Variants in ZNF12 observed in about 807,000 individuals in gnomAD.
ZNF12 encodes the protein gonadotropin inducible transcription repressor 3.
Under a neutral mutation model 66.6 loss-of-function variants are expected in ZNF12, and 34 were observed. The ratio of observed to expected loss-of-function variants is 0.51; its 90% CI spans 0.39 to 0.68. ZNF12 has a LOEUF of 0.68. Among genes scored for constraint, ZNF12 ranks in the 30% least tolerant of loss-of-function variants. The pLI is 0.00. For missense variants in ZNF12, 697 were observed against 826.9 expected, an observed-to-expected ratio of 0.84 and a Z score of 1.93; for synonymous variants, 320 against 278.9, an observed-to-expected ratio of 1.15 and a Z score of -1.47.
intron 2 of ZNF12, among the ~76,000 whole-genome samples, chr7:6,699,308 A>G (rs1178747764): frequency 6.6e-6 from 1 of 152,198 alleles, no homozygotes; most frequent in African/African-American, 2.4e-5. Context: ...GGAATGATCC[A>G]TGAGTGCAAG....
Position 6,697,953 on chromosome 7 carries a change from A to T in ZNF12, c.16-142T>A, listed in dbSNP as rs764732262. The stretch of plus-strand genomic sequence containing the variant: ...CAGACTGTCAAAGGGAAACAAACAT[A>T]TCAGAAATACACTGTTCTGGGGTTC... On this transcript the variant is annotated intron_variant, in intron 2 of 4. Transcript: ENST00000405858. The surrounding 1 kb of genome is among the most constrained non-coding windows in gnomAD (Gnocchi z 6.1). The T allele has an allele frequency of 2.3e-5, 24 of 1,024,910 alleles. 1 individual carries two copies. 63.5% of individuals were successfully genotyped at this position (1,024,910 alleles called of 1,614,324 possible).
At chr7:6,700,304 T>TACACACACACACACACACACACAC (rs71539972) in intron 2 of ZNF12, among the ~76,000 whole-genome samples, 6 of 129,056 alleles carry the variant, frequency 4.6e-5, no homozygotes, top group Non-Finnish European at 8.0e-5. Context: ...AAAAAAAATA[T>TACACACACACACACACACACACAC]ACACACACAC....
At chr7:6,693,023 G>A (rs1436687765) in intron 4 of ZNF12, among the ~76,000 whole-genome samples, 1 of 152,140 alleles carries the variant, frequency 6.6e-6, no homozygotes, top group Non-Finnish European at 1.5e-5. Flanking sequence ...ACAGAACAAT[G>A]ACTGGTAGGC....
intron 2 of ZNF12, among the ~76,000 whole-genome samples, chr7:6,701,215 C>G (rs1780238335): frequency 6.6e-6 from 1 of 152,174 alleles, no homozygotes; most frequent in Admixed American, 6.5e-5. Context: ...CAGAACGACT[C>G]CCATGATCTC....
At chr7:6,700,056 T>C (rs1379959304) in intron 2 of ZNF12, among the ~76,000 whole-genome samples, 5 of 150,788 alleles carry the variant, frequency 3.3e-5, no homozygotes, top group African/African-American at 9.8e-5. Flanking sequence ...GAGGCCGAGG[T>C]GGGCAGATCA....
rs368981638 is a variant in ZNF12 at position 6,692,430 on chromosome 7, C to T, written c.512G>A (p.Cys171Tyr). 3 of 1,613,210 alleles carry T rather than the reference C, an allele frequency of 1.9e-6. No homozygotes were observed. Among genetic ancestry groups the T allele is most frequent in the Admixed American group, 3.3e-5 (2 of 59,960 alleles). ...ARMKADECSG[C>Y]GKSLLHIKLE... ...CTTAATATGGAGGAGTGATTTCCCA[C>T]ATCCACTACATTCATCAGCTTTCAT... Residue 171 changes from cysteine (C) to tyrosine (Y), a missense_variant, in exon 5 of 5, where the codon TGT (cysteine) becomes TAT (tyrosine). Coordinates refer to ENST00000405858, the MANE Select transcript of ZNF12 (RefSeq NM_016265.4). The surrounding 1 kb of genome is among the most constrained non-coding windows in gnomAD (Gnocchi z 5.1).
intron 2 of ZNF12, among the ~76,000 whole-genome samples, chr7:6,700,334 CACATAT>C (rs1459177392): frequency 2.2e-5 from 3 of 136,898 alleles, no homozygotes; most frequent in African/African-American, 6.0e-5. Context: ...CACACACACA[CACATAT>C]ATATACATAT....
At position 6,706,915 on chromosome 7, in the gene ZNF12, G is replaced by A. The variant is rs559102575; in HGVS notation, c.-534C>T. 7.2e-6 allele frequency: 3 copies of A among 414,058 alleles called. No homozygotes were observed. The highest frequency in any genetic ancestry group is 4.9e-5 in the South Asian group (3 of 61,694). 25.6% of individuals were successfully genotyped at this position (414,058 alleles called of 1,614,324 possible). On this transcript the variant is annotated 5_prime_UTR_variant, in exon 1 of 5. Transcript: ENST00000405858. ...CAAAGCCTGGGAACTAGGGCGAGCG[G>A]TGACCTGGGGACGCACAGGAAGCGA... is the stretch of plus-strand genomic sequence containing the variant.
At position 6,697,540 on chromosome 7, in the gene ZNF12, C is replaced by T. The variant is rs1780172216; in HGVS notation, c.143-106G>A. 3 of 1,522,524 alleles carry T rather than the reference C, an allele frequency of 2.0e-6. No individual in the cohort carries two copies. The highest frequency in any genetic ancestry group is 2.7e-6 in the Non-Finnish European group (3 of 1,113,062). 94.3% of individuals were successfully genotyped at this position (1,522,524 alleles called of 1,614,324 possible). A position where few individuals can be genotyped will look rare whatever the true frequency, so the allele number is the denominator to read the frequency against. On this transcript the variant is annotated intron_variant, in intron 3 of 4. Coordinates refer to ENST00000405858, the MANE Select transcript of ZNF12 (RefSeq NM_016265.4). The surrounding 1 kb of genome is among the most constrained non-coding windows in gnomAD (Gnocchi z 6.1). ...GTGTCTTATCAAAATCAGAACTTTTCACGGGGGAGATCAAGACCAAAATGC... is the reference window on the plus strand; with the variant it reads ...GTGTCTTATCAAAATCAGAACTTTTTACGGGGGAGATCAAGACCAAAATGC...
rs1158459331 is a variant in ZNF12 at position 6,706,910 on chromosome 7, G to T, written c.-529C>A. On this transcript the variant is annotated 5_prime_UTR_variant, in exon 1 of 5. Transcript: ENST00000405858. ...GAGGCCAAAGCCTGGGAACTAGGGCGAGCGGTGACCTGGGGACGCACAGGA... is the reference window on the plus strand; with the variant it reads ...GAGGCCAAAGCCTGGGAACTAGGGCTAGCGGTGACCTGGGGACGCACAGGA... 2.7e-5 allele frequency: 11 copies of T among 413,752 alleles called. No individual in the cohort carries two copies. The Admixed American group carries it at 2.7e-4, about 10-fold the overall frequency. The allele number at this position is 413,752 out of a possible 1,614,324, so 25.6% of individuals were successfully genotyped here.
rs1192316020 is a variant in ZNF12 at position 6,705,629 on chromosome 7, G to T, written c.-50-406C>A. On this transcript the variant is annotated intron_variant, in intron 1 of 4. Coordinates refer to ENST00000405858, the MANE Select transcript of ZNF12 (RefSeq NM_016265.4). The surrounding 1 kb of genome is among the most constrained non-coding windows in gnomAD (Gnocchi z 4.0). ...AGCTACTCGGGAGGCTGAGGCAGGA[G>T]AATCGCTTGAACCCGGGAGGCGGAG... is the stretch of plus-strand genomic sequence containing the variant. Among the ~76,000 whole-genome samples the T allele has an allele frequency of 6.6e-6, 1 of 152,078 alleles. No individual in the cohort carries two copies. The highest frequency in any genetic ancestry group is 1.5e-5 in the Non-Finnish European group (1 of 68,010).
Position 6,691,668 on chromosome 7 carries a change from G to T in ZNF12, c.1274C>A (p.Thr425Lys). 6.2e-7 allele frequency: 1 copy of T among 1,613,196 alleles called. No individual in the cohort carries two copies. Residue 425 changes from threonine to lysine, a missense_variant, in exon 5 of 5, where the codon ACG becomes AAG. Physicochemically the swap from Thr to Lys is moderately conservative, Grantham distance 78. Coordinates refer to ENST00000405858, the MANE Select transcript of ZNF12 (RefSeq NM_016265.4). ...GKCFCRKSTLTTHLRTHTGEK... is the reference protein window; with the variant it reads ...GKCFCRKSTLKTHLRTHTGEK... ...TCCTGTGTGGGTCCTCAGGTGGGTC[G>T]TGAGAGTAGACTTGCGGCAGAAGCA... is the stretch of plus-strand genomic sequence containing the variant.
At chr7:6,702,398 A>ACACACACACCCCG (rs1554294938) in intron 2 of ZNF12, among the ~76,000 whole-genome samples, 2 of 3,370 alleles carry the variant, frequency 5.9e-4, no homozygotes, top group Non-Finnish European at 1.2e-3. Flanking sequence ...ACACACACAC[A>ACACACACACCCCG]ACCAGATTCG....
Position 6,698,120 on chromosome 7 carries a change from C to T in ZNF12, c.16-309G>A, listed in dbSNP as rs1274689168. ...CCCCTGAGGAGCACAGGCCTGGGGACACTCACAGAACCCCAGGATGCACTC... is the reference window on the plus strand; with the variant it reads ...CCCCTGAGGAGCACAGGCCTGGGGATACTCACAGAACCCCAGGATGCACTC... On this transcript the variant is annotated intron_variant, in intron 2 of 4. Transcript: ENST00000405858. The surrounding 1 kb of genome is among the most constrained non-coding windows in gnomAD (Gnocchi z 4.4). 1.8e-6 allele frequency: 1 copy of T among 555,350 alleles called. No individual in the cohort carries two copies. Among genetic ancestry groups the T allele is most frequent in the Non-Finnish European group, 3.4e-6 (1 of 292,898 alleles). The allele number at this position is 555,350 out of a possible 1,614,324, so 34.4% of individuals were successfully genotyped here. A position where few individuals can be genotyped will look rare whatever the true frequency, so the allele number is the denominator to read the frequency against.
At position 6,705,717 on chromosome 7, in the gene ZNF12, C is replaced by CAAAAAA. The variant is rs71978935; in HGVS notation, c.-50-495_-50-494insTTTTTT. On this transcript the variant is annotated intron_variant, in intron 1 of 4. Coordinates refer to ENST00000405858, the MANE Select transcript of ZNF12 (RefSeq NM_016265.4). The surrounding 1 kb of genome is among the most constrained non-coding windows in gnomAD (Gnocchi z 4.0). ...CTGGGCAACAAAGCGAAACTTGTCT[C>CAAAAAA]AAAAACAAACAAACAAACAAACAAA... is the stretch of plus-strand genomic sequence containing the variant. Among the ~76,000 whole-genome samples the CAAAAAA allele has an allele frequency of 2.7e-4, 40 of 148,616 alleles. No individual in the cohort carries two copies. Among genetic ancestry groups the CAAAAAA allele is most frequent in the African/African-American group, 7.7e-4 (31 of 40,192 alleles).
At position 6,689,166 on chromosome 7, in the gene ZNF12, C is replaced by T. The variant is rs1435409797; in HGVS notation, c.*1682G>A. 2 of 152,210 alleles carry T rather than the reference C, an allele frequency of 1.3e-5. No individual in the cohort carries two copies. Among genetic ancestry groups the T allele is most frequent in the East Asian group, 3.8e-4 (2 of 5,200 alleles). 9.4% of individuals were successfully genotyped at this position (152,210 alleles called of 1,614,324 possible). A position where few individuals can be genotyped will look rare whatever the true frequency, so the allele number is the denominator to read the frequency against. ...CAACTGGCTTAAAAATAAGTTTAGT[C>T]TCTCACAAAAGAAACAGTCCAAAGG... On this transcript the variant is annotated 3_prime_UTR_variant, in exon 5 of 5. Coordinates refer to ENST00000405858, the MANE Select transcript of ZNF12 (RefSeq NM_016265.4).
At position 6,690,528 on chromosome 7, in the gene ZNF12, C is replaced by T. The variant is rs76039396; in HGVS notation, c.*320G>A. The T allele has an allele frequency of 1.7e-3, 355 of 207,198 alleles. 4 individuals carry two copies. In the East Asian group the frequency reaches 0.035, roughly 21 times the overall value. 12.8% of individuals were successfully genotyped at this position (207,198 alleles called of 1,614,324 possible). On this transcript the variant is annotated 3_prime_UTR_variant, in exon 5 of 5. Coordinates refer to ENST00000405858, the MANE Select transcript of ZNF12 (RefSeq NM_016265.4). ...AACAGTTTCCAAAGGATTATGTCTT[C>T]CACATTCCTTATACTGATAGATTTC...
In ZNF12 at chr7:6,705,329, T is replaced by G. The variant is rs1237773274; in HGVS notation, c.-50-106A>C. 5 of 750,818 alleles carry G rather than the reference T, an allele frequency of 6.7e-6. No homozygotes were observed. The East Asian group carries it at 1.4e-4, about 21-fold the overall frequency. 46.5% of individuals were successfully genotyped at this position (750,818 alleles called of 1,614,324 possible). A position where few individuals can be genotyped will look rare whatever the true frequency, so the allele number is the denominator to read the frequency against. ...AGAAAGTTCCAAGAAGTACATCTTG[T>G]GGGAGACTGTCCCTTTAAGCCTTCA... On this transcript the variant is annotated intron_variant, in intron 1 of 4. Coordinates refer to ENST00000405858, the MANE Select transcript of ZNF12 (RefSeq NM_016265.4). This position sits in a 1 kb window ranked among gnomAD's most constrained non-coding sequence, Gnocchi z 4.0.
rs1214057529 is a variant in ZNF12, at chr7:6,698,568, C to A, written c.16-757G>T. Among the ~76,000 whole-genome samples the A allele has an allele frequency of 1.3e-5, 2 of 152,186 alleles. No homozygotes were observed. The highest frequency in any genetic ancestry group is 2.4e-5 in the African/African-American group (1 of 41,442). On this transcript the variant is annotated intron_variant, in intron 2 of 4. Transcript: ENST00000405858. The surrounding 1 kb of genome is among the most constrained non-coding windows in gnomAD (Gnocchi z 4.4). ...CCAAAATAACAAACAGGCTGGGCAACACACATTCTAGTTTTTATTTTTACT... is the reference window on the plus strand; with the variant it reads ...CCAAAATAACAAACAGGCTGGGCAAAACACATTCTAGTTTTTATTTTTACT...
Sources: allele counts gnomAD v4.1 joint callset (sites outside exome capture counted in the v4.1 genomes callset), GRCh38; gene constraint gnomAD v4.1.1; non-coding constraint Gnocchi (gnomAD v3.1); transcripts MANE v1.5; gene names NCBI Gene and HGNC (gene_info 2026-07-23, HGNC 2026-07-21).